Variants in SHISA9 observed in about 807,000 individuals in gnomAD.
SHISA9 encodes the protein shisa family member 9.
In SHISA9, 13 loss-of-function variants were observed where a neutral mutation model predicts 38.0. The ratio of observed to expected loss-of-function variants is 0.34; its 90% CI spans 0.22 to 0.54. The LOEUF (loss-of-function observed/expected upper bound fraction) is 0.54, where lower values mean the gene tolerates loss of function less well. SHISA9 is among the 20% of genes least tolerant of loss of function. SHISA9 has a pLI of 0.91. For synonymous variants in SHISA9, 275 were observed against 242.0 expected (o/e 1.14, Z -1.27); for missense variants, 538 against 575.8 (o/e 0.93, Z 0.67).
chr16:13,386,989 C>G, the SHISA9 span, among the ~76,000 whole-genome samples: 1 of 152,172 alleles, frequency 6.6e-6, no homozygotes, highest in Non-Finnish European at 1.5e-5. Flanking sequence ...TTAACACTTT[C>G]AGATGATATG....
chr16:13,255,234 C>G, the SHISA9 span, among the ~76,000 whole-genome samples: 4 of 151,996 alleles, frequency 2.6e-5, no homozygotes. Context: ...TCCCTCAATT[C>G]TTCCCCTTTC....
At chr16:13,194,103 A>G (rs183752597) in intron 2 of SHISA9, among the ~76,000 whole-genome samples, 3 of 152,148 alleles carry the variant, frequency 2.0e-5, no homozygotes, top group Admixed American at 2.0e-4. Context: ...ACATCCCCCC[A>G]AGAACTGGAG....
Position 13,235,701 on chromosome 16 carries a change from C to T in SHISA9, c.*292C>T. On this transcript the variant is annotated 3_prime_UTR_variant, in exon 5 of 5. Transcript: ENST00000558583. ...GGCCCAAGATGGCCAACTCACATGC[C>T]CAAACCGTGGGGCTGAGTTTTCTTT... 1 of 383,380 alleles carries T rather than the reference C, an allele frequency of 2.6e-6. No individual in the cohort carries two copies. Among genetic ancestry groups the T allele is most frequent in the Non-Finnish European group, 4.6e-6 (1 of 215,300 alleles). The allele number at this position is 383,380 out of a possible 1,614,324, so 23.7% of individuals were successfully genotyped here. A position where few individuals can be genotyped will look rare whatever the true frequency, so the allele number is the denominator to read the frequency against.
chr16:13,225,746 C>G (rs1338419025), intron 4 of SHISA9, among the ~76,000 whole-genome samples: 2 of 152,166 alleles, frequency 1.3e-5, no homozygotes, highest in Non-Finnish European at 2.9e-5. Context: ...ATTACCTTGA[C>G]GTTCTCCCTT....
chr16:12,920,302 C>G (rs1026999013), intron 2 of SHISA9, among the ~76,000 whole-genome samples: 4 of 152,014 alleles, frequency 2.6e-5, no homozygotes, highest in African/African-American at 9.7e-5. Context: ...CACATGTACC[C>G]TAGAACTTAA....
intron 2 of SHISA9, among the ~76,000 whole-genome samples, chr16:13,120,695 C>T (rs1029845709): frequency 4.6e-5 from 7 of 152,050 alleles, no homozygotes; most frequent in African/African-American, 1.2e-4. Context: ...CAGGATGCCC[C>T]GAGCTGTGGG....
At chr16:13,159,734 T>C (rs962279609) in intron 2 of SHISA9, among the ~76,000 whole-genome samples, 2 of 152,234 alleles carry the variant, frequency 1.3e-5, no homozygotes, top group African/African-American at 4.8e-5. Flanking sequence ...CACAGATATG[T>C]TCACATCATT....
the SHISA9 span, among the ~76,000 whole-genome samples, chr16:13,427,499 T>A: frequency 6.6e-6 from 1 of 152,112 alleles, no homozygotes; most frequent in Non-Finnish European, 1.5e-5. Flanking sequence ...ACAATTCTAA[T>A]TGGGAGGTGA....
chr16:13,125,475 G>T (rs943218168), intron 2 of SHISA9, among the ~76,000 whole-genome samples: 6 of 152,162 alleles, frequency 3.9e-5, no homozygotes, highest in Admixed American at 2.6e-4. Context: ...CAAACGAGGG[G>T]TGGTAACACT....
the SHISA9 span, among the ~76,000 whole-genome samples, chr16:13,376,782 C>G: frequency 6.6e-6 from 1 of 152,048 alleles, no homozygotes; most frequent in African/African-American, 2.4e-5. Flanking sequence ...CAGCCTTGAC[C>G]TCTTGGGCGA....
the SHISA9 span, among the ~76,000 whole-genome samples, chr16:13,255,277 T>A: frequency 6.6e-6 from 1 of 152,134 alleles, no homozygotes; most frequent in Non-Finnish European, 1.5e-5. Flanking sequence ...ATTCTCTTTC[T>A]GTCTAGGCAT....
chr16:13,090,811 G>A (rs1280752840), intron 2 of SHISA9, among the ~76,000 whole-genome samples: 1 of 152,144 alleles, frequency 6.6e-6, no homozygotes, highest in African/African-American at 2.4e-5. Flanking sequence ...GGTTAATATT[G>A]TTATGTGTGA....
At chr16:12,979,056 G>A (rs965318045) in intron 2 of SHISA9, among the ~76,000 whole-genome samples, 4 of 152,106 alleles carry the variant, frequency 2.6e-5, no homozygotes, top group African/African-American at 9.7e-5. Flanking sequence ...CAATCTCCAC[G>A]TCTAATCAGT....
chr16:13,368,751 A>AAC, the SHISA9 span, among the ~76,000 whole-genome samples: 104 of 149,972 alleles, frequency 6.9e-4, 1 homozygote, highest in African/African-American at 2.4e-3. Context: ...AAAAAAAAAA[A>AAC]CCCACTGGGA....
intron 2 of SHISA9, among the ~76,000 whole-genome samples, chr16:13,175,331 G>A (rs1479026721): frequency 6.6e-6 from 1 of 152,242 alleles, no homozygotes; most frequent in African/African-American, 2.4e-5. Flanking sequence ...CGAGGCTGCA[G>A]TGAGCCATGG....
chr16:13,212,719 G>C (rs1386764351), intron 3 of SHISA9, among the ~76,000 whole-genome samples: 5 of 152,176 alleles, frequency 3.3e-5, no homozygotes, highest in African/African-American at 1.2e-4. Context: ...ACTGTGGTAA[G>C]GTAGCCCCCA....
At chr16:13,159,650 G>T (rs959645365) in intron 2 of SHISA9, among the ~76,000 whole-genome samples, 6 of 152,310 alleles carry the variant, frequency 3.9e-5, no homozygotes, top group Admixed American at 6.5e-5. Flanking sequence ...CTATATTTCA[G>T]TTCCACCAAA....
chr16:13,153,821 A>G (rs2050519927), intron 2 of SHISA9, among the ~76,000 whole-genome samples: 1 of 152,312 alleles, frequency 6.6e-6, no homozygotes, highest in East Asian at 1.9e-4. Context: ...GGAACGCAGC[A>G]TCTCTGGGTA....
the SHISA9 span, among the ~76,000 whole-genome samples, chr16:13,416,518 A>C: frequency 6.6e-6 from 1 of 152,132 alleles, no homozygotes; most frequent in Non-Finnish European, 1.5e-5. Flanking sequence ...ACTTAGATTC[A>C]CAAGTTTATT....
Sources: gnomAD v4.1 joint callset for allele counts (sites outside exome capture counted in the v4.1 genomes callset) on GRCh38, gnomAD v4.1.1 for gene constraint, MANE v1.5 for transcripts, NCBI Gene and HGNC (gene_info 2026-07-23, HGNC 2026-07-21) for gene names.